The following CNTN4 variants were observed in gnomAD, a reference collection of about 807,000 sequenced individuals.
CNTN4 encodes contactin 4.
In CNTN4, 77 loss-of-function variants were observed where a neutral mutation model predicts 122.5. The ratio of observed to expected loss-of-function variants is 0.63; its 90% confidence interval spans 0.52 to 0.76. The LOEUF is 0.76. CNTN4 is among the 30% of genes least tolerant of loss of function. The pLI is 0.00. For missense variants in CNTN4, 1,256 were observed against 1,259.1 expected (o/e 1.00, Z 0.04); for synonymous variants, 512 against 447.0 (o/e 1.15, Z -1.83).
At chr3:2,304,089 T>C (rs1566383) in intron 2 of CNTN4, among the ~76,000 whole-genome samples, 80,479 of 151,992 alleles carry the variant, frequency 0.53, 22,172 homozygotes, top group African/African-American at 0.67. Context: ...TTTTGATGGG[T>C]TATTCGAAGT....
chr3:2,179,837 C>A (rs1381111010), intron 2 of CNTN4, among the ~76,000 whole-genome samples: 1 of 151,834 alleles, frequency 6.6e-6, no homozygotes, highest in East Asian at 1.9e-4. Context: ...CCAGGACCCA[C>A]AAACAACAGC....
intron 2 of CNTN4, among the ~76,000 whole-genome samples, chr3:2,150,321 G>T (rs1448891513): frequency 6.6e-6 from 1 of 152,100 alleles, no homozygotes; most frequent in Non-Finnish European, 1.5e-5. Context: ...CTAAATATTA[G>T]TTGTTTATTA....
chr3:2,907,882 G>A (rs546500327), intron 12 of CNTN4, among the ~76,000 whole-genome samples: 6 of 152,324 alleles, frequency 3.9e-5, no homozygotes, highest in South Asian at 2.1e-4. Context: ...ATGGGCAAAC[G>A]CCATAGAGAG....
At chr3:2,540,383 G>A (rs930251710) in intron 3 of CNTN4, among the ~76,000 whole-genome samples, 2 of 151,912 alleles carry the variant, frequency 1.3e-5, no homozygotes, top group African/African-American at 2.4e-5. Context: ...GGCATGGAGT[G>A]TTAATTTCTC....
rs575365778 is a variant in CNTN4 at position 2,709,346 on chromosome 3, T to G, written c.56-26869T>G. ...CATATTAGAATCATCTGGGGGTCCT[T>G]AAAAAATACTGATGCGTAGGTCTCA... On this transcript the variant is annotated intron_variant, in intron 4 of 24. Transcript: ENST00000418658. The surrounding 1 kb of genome is among the most constrained non-coding windows in gnomAD (Gnocchi z 5.0). 6.6e-6 allele frequency among the ~76,000 whole-genome samples: 1 copy of G among 152,134 alleles called. No homozygotes were observed. The highest frequency in any genetic ancestry group is 1.5e-5 in the Non-Finnish European group (1 of 68,014).
At chr3:2,766,814 A>G (rs1379896218) in intron 6 of CNTN4, among the ~76,000 whole-genome samples, 1 of 152,332 alleles carries the variant, frequency 6.6e-6, no homozygotes, top group East Asian at 1.9e-4. Context: ...TTAAGGACAC[A>G]TTCGCCATAT....
chr3:2,461,521 C>A (rs575763485), intron 3 of CNTN4, among the ~76,000 whole-genome samples: 2 of 152,222 alleles, frequency 1.3e-5, no homozygotes, highest in South Asian at 4.1e-4. Flanking sequence ...TCCAGGGCTC[C>A]CACCCACGTG....
intron 2 of CNTN4, among the ~76,000 whole-genome samples, chr3:2,120,378 T>TATATATATATATATATATATATATATAA (rs2033659106): frequency 3.3e-5 from 1 of 29,912 alleles, no homozygotes; most frequent in Admixed American, 5.1e-4. Flanking sequence ...TATATAAATA[T>TATATATATATATATATATATATATATAA]ATATATATAT....
At chr3:2,332,593 CT>C (rs1408993496) in intron 2 of CNTN4, among the ~76,000 whole-genome samples, 1 of 151,794 alleles carries the variant, frequency 6.6e-6, no homozygotes, top group Admixed American at 6.6e-5. Context: ...AAGTAAAGCT[CT>C]TACATATAAG....
intron 2 of CNTN4, among the ~76,000 whole-genome samples, chr3:2,152,825 A>C (rs1000878647): frequency 1.3e-5 from 2 of 152,154 alleles, no homozygotes; most frequent in Non-Finnish European, 2.9e-5. Flanking sequence ...ATGTACTCCC[A>C]GATCGGGCTC....
chr3:2,883,120 A>G, intron 8 of CNTN4, 25 bp from the exon 9 acceptor site: 1 of 1,517,904 alleles, frequency 6.6e-7, no homozygotes, highest in East Asian at 2.3e-5. Context: ...AATCTCCAAG[A>G]CTTAGCCCCT....
chr3:2,800,079 C>CTT (rs11449693), intron 6 of CNTN4, among the ~76,000 whole-genome samples: 1,759 of 136,380 alleles, frequency 0.013, 39 homozygotes, highest in Admixed American at 0.051. Context: ...ATGCCATCTA[C>CTT]TTTTTTTTTT....
intron 2 of CNTN4, among the ~76,000 whole-genome samples, chr3:2,301,123 G>A (rs1178490): frequency 0.44 from 66,610 of 151,978 alleles, 15,230 homozygotes; most frequent in East Asian, 0.6. Flanking sequence ...AGATGTTCTG[G>A]TACTGAACAA....
At position 2,301,282 on chromosome 3, in the gene CNTN4, A is replaced by G. The variant is rs137955743; in HGVS notation, c.-144-37896A>G. Among the ~76,000 whole-genome samples the G allele has an allele frequency of 4.7e-3, 718 of 152,330 alleles. 1 individual carries two copies. Among genetic ancestry groups the G allele is most frequent in the Non-Finnish European group, 7.7e-3 (522 of 68,022 alleles). ...AAAATCCATATTAATTTATATCTTT[A>G]TGGTCTGCATTATATTTCTTCATGA... On this transcript the variant is annotated intron_variant, in intron 2 of 24. Coordinates refer to ENST00000418658, the MANE Select transcript of CNTN4 (RefSeq NM_175607.3).
intron 2 of CNTN4, among the ~76,000 whole-genome samples, chr3:2,143,319 C>T (rs1035848473): frequency 6.6e-6 from 1 of 152,158 alleles, no homozygotes; most frequent in Non-Finnish European, 1.5e-5. Flanking sequence ...TGAAGTTAAA[C>T]CAAAGTTTGT....
At chr3:2,986,328 G>A (rs148201693) in intron 13 of CNTN4, among the ~76,000 whole-genome samples, 323 of 152,262 alleles carry the variant, frequency 2.1e-3, no homozygotes, top group African/African-American at 7.2e-3. Context: ...TCTATAAGAT[G>A]GACATTGTTA....
At chr3:2,396,005 A>G (rs758322192) in intron 3 of CNTN4, among the ~76,000 whole-genome samples, 4 of 151,780 alleles carry the variant, frequency 2.6e-5, no homozygotes, top group Non-Finnish European at 5.9e-5. Context: ...TAACACATGC[A>G]TGGGAACATA....
chr3:2,180,935 T>C (rs1418965914), intron 2 of CNTN4, among the ~76,000 whole-genome samples: 2 of 152,070 alleles, frequency 1.3e-5, no homozygotes, highest in African/African-American at 4.8e-5. Context: ...AGATAAGTCA[T>C]GTGTCAAATA....
chr3:3,052,001 A>G lies in CNTN4; in HGVS notation c.2812-1806A>G, dbSNP rs529088187. Among the ~76,000 whole-genome samples the G allele has an allele frequency of 1.5e-4, 23 of 152,308 alleles. No individual in the cohort carries two copies. In the South Asian group the frequency reaches 2.3e-3, roughly 15 times the overall value. On this transcript the variant is annotated intron_variant, in intron 23 of 24. Coordinates refer to ENST00000418658, the MANE Select transcript of CNTN4 (RefSeq NM_175607.3). ...GCAGATTTTCAGGTCCCATCCCAGA[A>G]CTAATCACAAACTCCAGGAATGGGG...
Sources: allele counts gnomAD v4.1 joint callset (sites outside exome capture counted in the v4.1 genomes callset), GRCh38; gene constraint gnomAD v4.1.1; non-coding constraint Gnocchi (gnomAD v3.1); transcripts MANE v1.5; gene names NCBI Gene and HGNC (gene_info 2026-07-23, HGNC 2026-07-21).